The following CATSPERE variants were observed in gnomAD, a reference collection of about 807,000 sequenced individuals.
The protein encoded by CATSPERE is cation channel sperm-associated auxiliary subunit epsilon.
In CATSPERE, 93 loss-of-function variants were observed where a neutral mutation model predicts 114.1. The observed-to-expected ratio is 0.81, with a 90% CI of 0.69 to 0.97. CATSPERE has a LOEUF of 0.97. Among genes scored for constraint, CATSPERE ranks in the 50% least tolerant of loss-of-function variants. The pLI is 0.00. For missense variants in CATSPERE, 1,058 were observed against 1,131.6 expected (o/e 0.93, Z 0.93); for synonymous variants, 341 against 384.1 (o/e 0.89, Z 1.31).
chr1:244,552,459 T>G lies in CATSPERE; in HGVS notation c.674T>G (p.Ile225Ser), dbSNP rs1660812356. The stretch of plus-strand genomic sequence containing the variant: ...TTTCCTTTGTTGACCATACCTGAAA[T>G]TCCTGGTTATTTACCAATCTCCTCA... The part of the protein sequence containing the change: ...LTFPLLTIPE[I>S]PGYLPISSPR... The change falls in exon 9 of 22, where the codon ATT becomes AGT. Residue 225 changes from isoleucine to serine, a missense_variant. Around this residue, in one of 2 missense-constraint regions of CATSPERE, gnomAD observed 787 missense variants for 905.6 expected, o/e 0.87. Transcript: ENST00000366534. 1.9e-6 allele frequency: 3 copies of G among 1,614,242 alleles called. No homozygotes were observed. Among genetic ancestry groups the G allele is most frequent in the Non-Finnish European group, 2.5e-6 (3 of 1,180,030 alleles).
At chr1:244,564,109 A>G (rs962663689) in intron 10 of CATSPERE, among the ~76,000 whole-genome samples, 2 of 152,080 alleles carry the variant, frequency 1.3e-5, no homozygotes, top group Admixed American at 6.6e-5. Context: ...CCATTGGTCT[A>G]TATATCTGTT....
upstream of CATSPERE, chr1:244,451,916 G>T: frequency 7.9e-7 from 1 of 1,273,552 alleles, no homozygotes; most frequent in Non-Finnish European, 1.0e-6. This position sits in a 1 kb window ranked among gnomAD's most constrained non-coding sequence, Gnocchi z 6.6. Flanking sequence ...AGAGGAAGAA[G>T]GAGCCAGAGG....
At chr1:244,486,446 G>C (rs1291082234) in intron 5 of CATSPERE, among the ~76,000 whole-genome samples, 1 of 151,258 alleles carries the variant, frequency 6.6e-6, no homozygotes, top group East Asian at 2.0e-4. Flanking sequence ...TCGTGGGCCA[G>C]GTACAGACCC....
intron 7 of CATSPERE, among the ~76,000 whole-genome samples, chr1:244,501,205 C>G (rs929495665): frequency 6.6e-6 from 1 of 152,138 alleles, no homozygotes; most frequent in Non-Finnish European, 1.5e-5. Context: ...AAGGGGCTGA[C>G]CATTAAGGTG....
chr1:244,479,388 A>C (rs889075847), intron 4 of CATSPERE, among the ~76,000 whole-genome samples: 5 of 152,134 alleles, frequency 3.3e-5, no homozygotes, highest in African/African-American at 1.2e-4. Flanking sequence ...CCACTGCGCC[A>C]GGCCACATCT....
At chr1:244,451,799 A>C (rs765386619), upstream of CATSPERE, 38 of 1,592,516 alleles carry the variant, frequency 2.4e-5, no homozygotes, top group Middle Eastern at 3.9e-4. The surrounding 1 kb of genome is among the most constrained non-coding windows in gnomAD (Gnocchi z 6.6). Context: ...GCCGCCGGGT[A>C]GGTCTCGGCG....
intron 11 of CATSPERE, among the ~76,000 whole-genome samples, chr1:244,580,567 G>A (rs555091636): frequency 6.6e-6 from 1 of 152,050 alleles, no homozygotes; most frequent in Non-Finnish European, 1.5e-5. Flanking sequence ...GCAAATTATT[G>A]TAAACCAAAC....
intron 6 of CATSPERE, among the ~76,000 whole-genome samples, chr1:244,495,025 A>C (rs1047678610): frequency 1.1e-4 from 17 of 152,236 alleles, no homozygotes; most frequent in African/African-American, 3.9e-4. Flanking sequence ...ACAGACTCAA[A>C]TAATGCAGAA....
chr1:244,538,487 C>A (rs975153555), intron 8 of CATSPERE, among the ~76,000 whole-genome samples: 1 of 152,180 alleles, frequency 6.6e-6, no homozygotes, highest in African/African-American at 2.4e-5. Context: ...TCTGGCCCAA[C>A]TCCCCACATC....
intron 2 of CATSPERE, among the ~76,000 whole-genome samples, chr1:244,475,265 ACT>A (rs1669130007): frequency 7.0e-6 from 1 of 142,838 alleles, no homozygotes; most frequent in East Asian, 2.0e-4. Context: ...TTTCTGTCTC[ACT>A]CTGTTGCCCA....
Position 244,616,337 on chromosome 1 carries a change from T to G in CATSPERE, c.2491-1192T>G, listed in dbSNP as rs529255429. 3.3e-5 allele frequency among the ~76,000 whole-genome samples: 5 copies of G among 152,328 alleles called. No homozygotes were observed. In the South Asian group the frequency reaches 8.3e-4, roughly 25 times the overall value. Reference sequence around the variant, plus strand: ...AGAGCTGATTGATTGCAAAGCTCTATTGACTGGGAAGATGTTCATGAAGGA... The same window carrying G: ...AGAGCTGATTGATTGCAAAGCTCTAGTGACTGGGAAGATGTTCATGAAGGA... On this transcript the variant is annotated intron_variant, in intron 19 of 21. Transcript: ENST00000366534.
chr1:244,470,789 A>C (rs1668353687), intron 2 of CATSPERE, among the ~76,000 whole-genome samples: 1 of 152,274 alleles, frequency 6.6e-6, no homozygotes, highest in African/African-American at 2.4e-5. Context: ...GGAAAGGATA[A>C]ATAAAATGTA....
At chr1:244,483,632 A>G (rs930659552) in intron 5 of CATSPERE, among the ~76,000 whole-genome samples, 2 of 152,082 alleles carry the variant, frequency 1.3e-5, no homozygotes, top group African/African-American at 2.4e-5. Flanking sequence ...TTCCTATTCA[A>G]TAAGTATTTT....
intron 2 of CATSPERE, among the ~76,000 whole-genome samples, chr1:244,474,390 A>AT (rs1030061971): frequency 6.6e-6 from 1 of 151,570 alleles, no homozygotes; most frequent in Non-Finnish European, 1.5e-5. Flanking sequence ...TCTCTCCCAT[A>AT]TTTTTTAGTC....
At chr1:244,622,407 T>C (rs1245970182) in intron 20 of CATSPERE, among the ~76,000 whole-genome samples, 3 of 146,522 alleles carry the variant, frequency 2.0e-5, no homozygotes, top group Admixed American at 6.8e-5. Flanking sequence ...TTTTCTTTTT[T>C]TTTTTTTTTT....
chr1:244,566,679 T>TTTTTTTTTTTTTTTTTTC (rs1663594498), intron 10 of CATSPERE, among the ~76,000 whole-genome samples: 1 of 120,962 alleles, frequency 8.3e-6, no homozygotes, highest in South Asian at 2.9e-4. Flanking sequence ...TTTTTTTTTT[T>TTTTTTTTTTTTTTTTTTC]TTTTTTTTGC....
At chr1:244,557,881 T>C (rs1661900469) in intron 9 of CATSPERE, among the ~76,000 whole-genome samples, 2 of 151,900 alleles carry the variant, frequency 1.3e-5, no homozygotes, top group African/African-American at 2.4e-5. Context: ...GTTTTTTCCT[T>C]TGTATTTCAG....
Position 244,581,815 on chromosome 1 carries a change from A to C in CATSPERE, c.1970A>C (p.Asn657Thr), listed in dbSNP as rs778751238. 1 of 1,337,752 alleles carries C rather than the reference A, an allele frequency of 7.5e-7. No homozygotes were observed. The highest frequency in any genetic ancestry group is 1.0e-6 in the Non-Finnish European group (1 of 957,084). The allele number at this position is 1,337,752 out of a possible 1,614,324, so 82.9% of individuals were successfully genotyped here. A position where few individuals can be genotyped will look rare whatever the true frequency, so the allele number is the denominator to read the frequency against. The stretch of plus-strand genomic sequence containing the variant: ...TTTCAGACACTAACATTTTATCAGA[A>C]TGTAGATTATGAGAGAATATCTGAT... ...TKTLTLTFYQ[N>T]VDYERISDYF... The change falls in exon 12 of 22, where the codon AAT (asparagine) becomes ACT (threonine). Residue 657 changes from asparagine (N) to threonine (T), a missense_variant. Physicochemically the swap from Asn to Thr is moderately conservative, Grantham distance 65. Coordinates refer to ENST00000366534, the MANE Select transcript of CATSPERE (RefSeq NM_001130957.2).
rs994036261 is a variant in CATSPERE, at chr1:244,633,327, T to C, written c.2649-2162T>C. Among the ~76,000 whole-genome samples, 13 of 152,210 alleles carry C rather than the reference T, an allele frequency of 8.5e-5. No homozygotes were observed. The highest frequency in any genetic ancestry group is 6.5e-4 in the Admixed American group (10 of 15,282). On this transcript the variant is annotated intron_variant, in intron 20 of 21. Transcript: ENST00000366534. This position sits in a 1 kb window ranked among gnomAD's most constrained non-coding sequence, Gnocchi z 4.1. Reference sequence around the variant, plus strand: ...AACCATAAAGTTCCAGTTGCACTTATTCCATGCTGATTCATCACAATTTCA... The same window carrying C: ...AACCATAAAGTTCCAGTTGCACTTACTCCATGCTGATTCATCACAATTTCA...
Sources: gnomAD v4.1 joint callset for allele counts (sites outside exome capture counted in the v4.1 genomes callset) on GRCh38, gnomAD v4.1.1 for gene constraint, gnomAD v4.1.1 regional missense constraint, Gnocchi (gnomAD v3.1) non-coding constraint, MANE v1.5 for transcripts, NCBI Gene and HGNC (gene_info 2026-07-23, HGNC 2026-07-21) for gene names.